Variants in ACSM6 observed in about 807,000 individuals in gnomAD.
ACSM6 encodes acyl-coenzyme A synthetase ACSM6, mitochondrial.
A neutral mutation model predicts 51.1 loss-of-function variants in ACSM6; 35 were observed. That is an observed-to-expected ratio of 0.69 (90% confidence interval 0.52 to 0.91). The LOEUF is 0.91. Among genes scored for constraint, ACSM6 ranks in the 40% least tolerant of loss-of-function variants. The pLI is 0.00. For missense variants in ACSM6, 509 were observed against 584.1 expected (o/e 0.87, Z 1.32); for synonymous variants, 172 against 207.3 (o/e 0.83, Z 1.46).
chr10:95,218,844 T>C (rs989085447), intron 8 of ACSM6, among the ~76,000 whole-genome samples: 2 of 151,602 alleles, frequency 1.3e-5, no homozygotes, highest in African/African-American at 2.4e-5. Flanking sequence ...TAGAGAGAGA[T>C]TACTATGGCC....
intron 9 of ACSM6, 59 bp downstream of exon 9, chr10:95,220,030 T>C: frequency 7.2e-7 from 1 of 1,381,614 alleles, no homozygotes; most frequent in Non-Finnish European, 1.0e-6. Context: ...TACAGTTGTT[T>C]ATCTAAATTT....
At chr10:95,221,594 AAG>A (rs1284618499) in intron 9 of ACSM6, among the ~76,000 whole-genome samples, 2 of 152,214 alleles carry the variant, frequency 1.3e-5, no homozygotes, top group African/African-American at 4.8e-5. Context: ...CTCAAAAAAA[AAG>A]AAAGGAAAAA....
At chr10:95,195,792 T>C (rs2034719203) in intron 2 of ACSM6, among the ~76,000 whole-genome samples, 1 of 152,080 alleles carries the variant, frequency 6.6e-6, no homozygotes, top group Admixed American at 6.5e-5. Context: ...GTGCAAAATA[T>C]ACTTACTGCC....
intron 4 of ACSM6, among the ~76,000 whole-genome samples, chr10:95,209,115 G>A (rs1430260044): frequency 6.6e-6 from 1 of 152,134 alleles, no homozygotes; most frequent in Non-Finnish European, 1.5e-5. Flanking sequence ...GTCTGATGTG[G>A]AGATGGGGGA....
chr10:95,211,714 T>G (rs548369607), intron 5 of ACSM6, among the ~76,000 whole-genome samples, 164 bp from the exon 6 acceptor site: 2 of 152,190 alleles, frequency 1.3e-5, no homozygotes, highest in African/African-American at 4.8e-5. Flanking sequence ...CTGAAAAAAT[T>G]TAAGGAGTCC....
intron 8 of ACSM6, among the ~76,000 whole-genome samples, chr10:95,217,087 C>T (rs1406947265): frequency 4.6e-5 from 7 of 152,150 alleles, no homozygotes; most frequent in African/African-American, 2.4e-5. Flanking sequence ...CAGTGGCTCA[C>T]GCCTGTAATC....
At chr10:95,219,762 C>T in intron 8 of ACSM6, 129 bp from the exon 9 acceptor site, 2 of 630,626 alleles carry the variant, frequency 3.2e-6, no homozygotes, top group South Asian at 2.5e-5. Context: ...TTTTTTTAAT[C>T]AAGATTACTT....
At chr10:95,210,079 T>C (rs1392759266) in intron 4 of ACSM6, among the ~76,000 whole-genome samples, 1 of 152,244 alleles carries the variant, frequency 6.6e-6, no homozygotes, top group East Asian at 1.9e-4. Context: ...TTCAATATTT[T>C]GTTTATCATG....
At chr10:95,212,643 T>C (rs746395761) in intron 6 of ACSM6, among the ~76,000 whole-genome samples, 4 of 152,220 alleles carry the variant, frequency 2.6e-5, no homozygotes, top group East Asian at 1.9e-4. Flanking sequence ...GTGATTAATA[T>C]GATAGCTCCT....
intron 8 of ACSM6, among the ~76,000 whole-genome samples, chr10:95,216,522 G>A (rs1358485028): frequency 1.3e-5 from 2 of 152,160 alleles, no homozygotes; most frequent in Non-Finnish European, 2.9e-5. Context: ...AGGCCTTAAT[G>A]GATAAGGAAT....
chr10:95,226,498 A>T (rs1008930770), intron 10 of ACSM6: 3 of 152,250 alleles, frequency 2.0e-5, no homozygotes, highest in Non-Finnish European at 2.9e-5. Flanking sequence ...AACTGAGAGC[A>T]GGACGTCAAG....
chr10:95,196,351 C>G (rs2034724611), intron 2 of ACSM6, among the ~76,000 whole-genome samples: 1 of 152,198 alleles, frequency 6.6e-6, no homozygotes, highest in African/African-American at 2.4e-5. Flanking sequence ...CCAAAAGCCA[C>G]ACAGTCAGCC....
chr10:95,196,372 T>C (rs895209488), intron 2 of ACSM6, among the ~76,000 whole-genome samples: 2 of 152,176 alleles, frequency 1.3e-5, no homozygotes, highest in African/African-American at 4.8e-5. Context: ...CAACTAAACA[T>C]TGGTTGTCTG....
intron 10 of ACSM6, among the ~76,000 whole-genome samples, chr10:95,227,031 G>C (rs1417878029): frequency 6.6e-6 from 1 of 150,390 alleles, no homozygotes; most frequent in Non-Finnish European, 1.5e-5. Flanking sequence ...CAGTCACCCA[G>C]GCTGGAGTGC....
intron 6 of ACSM6, among the ~76,000 whole-genome samples, 184 bp downstream of exon 6, chr10:95,212,218 A>G (rs192131341): frequency 1.4e-4 from 21 of 152,286 alleles, no homozygotes; most frequent in African/African-American, 4.1e-4. Flanking sequence ...GGGCTTTGCA[A>G]TTAGGAAGAC....
rs2133382042 is a variant in ACSM6, at chr10:95,210,852, G to A, written c.755+59G>A. ...AGTTGTTCTCTTGCAGGTAAAGGGA[G>A]CTTCATGGGACTAAAGCTAAGAAAG... On this transcript the variant is annotated intron_variant, in intron 5 of 10. Coordinates refer to ENST00000341686, the Ensembl canonical transcript of ACSM6. 4 of 1,550,078 alleles carry A rather than the reference G, an allele frequency of 2.6e-6. 1 individual carries two copies. In the South Asian group the frequency reaches 5.0e-5, roughly 19 times the overall value.
intron 9 of ACSM6, among the ~76,000 whole-genome samples, chr10:95,223,983 T>G (rs1320198288): frequency 6.6e-6 from 1 of 152,112 alleles, no homozygotes; most frequent in East Asian, 1.9e-4. Context: ...AAAAAATTAT[T>G]AATAGTATTT....
chr10:95,216,001 T>C (rs1589496346), intron 8 of ACSM6, among the ~76,000 whole-genome samples: 1 of 152,296 alleles, frequency 6.6e-6, no homozygotes, highest in African/African-American at 2.4e-5. Context: ...TGACCATAGC[T>C]CCCTGCAGCC....
chr10:95,200,030 C>T (rs980482940), intron 2 of ACSM6, among the ~76,000 whole-genome samples: 5 of 152,148 alleles, frequency 3.3e-5, no homozygotes, highest in Admixed American at 3.3e-4. Flanking sequence ...ATAAATCATG[C>T]TGCTATAAAG....
Sources: gnomAD v4.1 joint callset for allele counts (sites outside exome capture counted in the v4.1 genomes callset) on GRCh38, gnomAD v4.1.1 for gene constraint, MANE v1.5 for transcripts, NCBI Gene and HGNC (gene_info 2026-07-23, HGNC 2026-07-21) for gene names.